ARHGAP44: variants seen among roughly 807,000 people sequenced by gnomAD.
The protein encoded by ARHGAP44 is rho GTPase-activating protein 44.
A neutral mutation model predicts 106.8 loss-of-function variants in ARHGAP44; 43 were observed. The ratio of observed to expected loss-of-function variants is 0.40; its 90% CI spans 0.32 to 0.52. ARHGAP44 has a LOEUF of 0.52. ARHGAP44 is among the 20% of genes least tolerant of loss of function. The pLI, the probability that ARHGAP44 is intolerant of heterozygous loss-of-function variation, is 0.48. For synonymous variants in ARHGAP44, 439 were observed against 410.3 expected (o/e 1.07, Z -0.85); for missense variants, 866 against 1,050.5 (o/e 0.82, Z 2.43).
chr17:12,886,518 A>G (rs372571227), intron 1 of ARHGAP44, among the ~76,000 whole-genome samples: 1 of 152,128 alleles, frequency 6.6e-6, no homozygotes, highest in East Asian at 1.9e-4. Context: ...TTCTGCCTAT[A>G]CATTCTGTAC....
intron 1 of ARHGAP44, among the ~76,000 whole-genome samples, chr17:12,830,363 C>G (rs1308663035): frequency 1.3e-5 from 2 of 151,860 alleles, no homozygotes; most frequent in Non-Finnish European, 2.9e-5. Context: ...TCTTTGACTA[C>G]TCTTGGGGTC....
chr17:12,935,577 A>G (rs868640302), intron 7 of ARHGAP44, among the ~76,000 whole-genome samples: 6,813 of 152,074 alleles, frequency 0.045, 246 homozygotes, highest in Admixed American at 0.089. Context: ...CTCAAAAAAA[A>G]AAAAAAAAAA....
chr17:12,845,515 A>AC (rs1567645022), intron 1 of ARHGAP44, among the ~76,000 whole-genome samples: 3 of 130,962 alleles, frequency 2.3e-5, no homozygotes, highest in African/African-American at 5.8e-5. Flanking sequence ...TCAAAAAAAA[A>AC]AAAAAAACAA....
chr17:12,818,089 A>G (rs1211635505), intron 1 of ARHGAP44, among the ~76,000 whole-genome samples: 2 of 152,012 alleles, frequency 1.3e-5, no homozygotes, highest in Non-Finnish European at 2.9e-5. Context: ...ACACAGATGT[A>G]AAAAATCTTC....
chr17:12,960,224 G>A lies in ARHGAP44; in HGVS notation c.1523+1327G>A, dbSNP rs112507635. Among the ~76,000 whole-genome samples the A allele has an allele frequency of 5.0e-3, 766 of 152,220 alleles. 6 individuals are homozygous for A. Among genetic ancestry groups the A allele is most frequent in the African/African-American group, 0.017 (719 of 41,562 alleles). On this transcript the variant is annotated intron_variant, in intron 16 of 20. Transcript: ENST00000379672. ...GAAAGAAAAAAAAAGGAAATTCTTA[G>A]AAATTCAAATGAGTATGAAAAAATG...
At chr17:12,877,962 G>C (rs1376458472) in intron 1 of ARHGAP44, among the ~76,000 whole-genome samples, 1 of 152,202 alleles carries the variant, frequency 6.6e-6, no homozygotes, top group Non-Finnish European at 1.5e-5. Context: ...GGAAGATATT[G>C]CAAGAGTCAA....
chr17:12,817,663 A>G (rs1461422234), intron 1 of ARHGAP44, among the ~76,000 whole-genome samples: 2 of 152,076 alleles, frequency 1.3e-5, no homozygotes, highest in Admixed American at 1.3e-4. Flanking sequence ...AACACAAATT[A>G]CTAATATCAG....
At chr17:12,962,902 A>G (rs1279608900) in intron 16 of ARHGAP44, among the ~76,000 whole-genome samples, 1 of 151,994 alleles carries the variant, frequency 6.6e-6, no homozygotes, top group East Asian at 1.9e-4. Flanking sequence ...AAAATTGGCC[A>G]GGCATCGTGG....
chr17:12,874,304 AG>A (rs1240475146), intron 1 of ARHGAP44, among the ~76,000 whole-genome samples: 1 of 152,156 alleles, frequency 6.6e-6, no homozygotes, highest in Non-Finnish European at 1.5e-5. Context: ...CCCTAGTTTC[AG>A]GGGAAACTGG....
At chr17:12,800,136 C>T (rs1192609300) in intron 1 of ARHGAP44, among the ~76,000 whole-genome samples, 3 of 152,146 alleles carry the variant, frequency 2.0e-5, no homozygotes, top group Non-Finnish European at 4.4e-5. Context: ...ATATTCCTTG[C>T]CGTGCTGAAA....
At chr17:12,920,375 CAA>C (rs11408733) in intron 6 of ARHGAP44, among the ~76,000 whole-genome samples, 3 of 89,224 alleles carry the variant, frequency 3.4e-5, no homozygotes, top group Admixed American at 1.4e-4. Flanking sequence ...GACTCCATCT[CAA>C]AAAAAAAAAA....
intron 17 of ARHGAP44, 167 bp from the exon 18 acceptor site, chr17:12,973,922 C>A (rs1303331421): frequency 4.0e-6 from 3 of 744,568 alleles, no homozygotes; most frequent in East Asian, 5.5e-5. Flanking sequence ...CCGGGAGCAG[C>A]CAGGGTGCTG....
At chr17:12,905,125 G>C (rs1259204244) in intron 3 of ARHGAP44, among the ~76,000 whole-genome samples, 1 of 150,740 alleles carries the variant, frequency 6.6e-6, no homozygotes, top group African/African-American at 2.4e-5. Flanking sequence ...TATTGGCCAG[G>C]CTGGTCTCAA....
At chr17:12,848,394 A>T (rs1035724324) in intron 1 of ARHGAP44, among the ~76,000 whole-genome samples, 2 of 152,198 alleles carry the variant, frequency 1.3e-5, no homozygotes, top group African/African-American at 4.8e-5. Flanking sequence ...TCTGCATGAT[A>T]ACACCATGTG....
intron 1 of ARHGAP44, among the ~76,000 whole-genome samples, chr17:12,796,144 C>G (rs2033911881): frequency 6.6e-6 from 1 of 151,160 alleles, no homozygotes; most frequent in African/African-American, 2.4e-5. Flanking sequence ...GTATATCTAT[C>G]TATCTATCTA....
intron 6 of ARHGAP44, among the ~76,000 whole-genome samples, chr17:12,923,091 T>C (rs889478411): frequency 1.3e-5 from 2 of 152,222 alleles, no homozygotes; most frequent in Admixed American, 6.5e-5. Context: ...ACTAAAAAAG[T>C]CTTGTTTGCA....
At chr17:12,859,241 C>T (rs1031493966) in intron 1 of ARHGAP44, among the ~76,000 whole-genome samples, 1 of 152,178 alleles carries the variant, frequency 6.6e-6, no homozygotes, top group Non-Finnish European at 1.5e-5. Flanking sequence ...ACGAGCTAGG[C>T]GAGAGGCCTG....
chr17:12,987,050 GT>G (rs1299714942), intron 20 of ARHGAP44: 2 of 1,080,312 alleles, frequency 1.9e-6, no homozygotes, highest in African/African-American at 1.7e-5. Flanking sequence ...TGACGTTCAT[GT>G]TTTGTCGTGT....
In ARHGAP44 at chr17:12,949,795, T is replaced by C; in HGVS notation, c.1055+65T>C. On this transcript the variant is annotated intron_variant, in intron 12 of 20. Transcript: ENST00000379672. This position sits in a 1 kb window ranked among gnomAD's most constrained non-coding sequence, Gnocchi z 4.1. ...TTTATTTGGGAGTATGTGCTGAAATTATAGAAGCATGTAACCTATGATCTC... is the reference window on the plus strand; with the variant it reads ...TTTATTTGGGAGTATGTGCTGAAATCATAGAAGCATGTAACCTATGATCTC... 2.7e-6 allele frequency: 4 copies of C among 1,486,768 alleles called. No homozygotes were observed. Among genetic ancestry groups the C allele is most frequent in the Non-Finnish European group, 3.7e-6 (4 of 1,069,242 alleles). 92.1% of individuals were successfully genotyped at this position (1,486,768 alleles called of 1,614,324 possible).
Sources: gnomAD v4.1 joint callset for allele counts (sites outside exome capture counted in the v4.1 genomes callset) on GRCh38, gnomAD v4.1.1 for gene constraint, Gnocchi (gnomAD v3.1) non-coding constraint, MANE v1.5 for transcripts, NCBI Gene and HGNC (gene_info 2026-07-23, HGNC 2026-07-21) for gene names.